The following PCED1B variants were observed in gnomAD, a reference collection of about 807,000 sequenced individuals.
PCED1B encodes PC-esterase domain-containing protein 1B.
For missense variants in PCED1B, 573 were observed against 573.9 expected (o/e 1.00, Z 0.02); for synonymous variants, 251 against 246.1 (o/e 1.02, Z -0.19).
At chr12:47,197,628 TAATAA>T (rs906683798) in intron 2 of PCED1B, among the ~76,000 whole-genome samples, 7 of 148,906 alleles carry the variant, frequency 4.7e-5, no homozygotes, top group African/African-American at 1.2e-4. Context: ...AATAAATAAA[TAATAA>T]AATAAAATAA....
At chr12:47,101,871 A>T (rs964633849) in intron 1 of PCED1B, among the ~76,000 whole-genome samples, 1 of 151,966 alleles carries the variant, frequency 6.6e-6, no homozygotes, top group African/African-American at 2.4e-5. Context: ...ATTTGAACCC[A>T]GGAGGCGGAG....
chr12:47,211,379 C>T (rs190715811), intron 2 of PCED1B, among the ~76,000 whole-genome samples: 30 of 152,090 alleles, frequency 2.0e-4, no homozygotes, highest in Admixed American at 8.5e-4. Context: ...TGGCCAGGTG[C>T]GGTGACTCAC....
chr12:47,093,913 AT>A (rs761090138), intron 1 of PCED1B, among the ~76,000 whole-genome samples: 4 of 152,020 alleles, frequency 2.6e-5, no homozygotes, highest in Admixed American at 1.3e-4. Context: ...ATTAGGTACC[AT>A]TTTGCATACA....
At chr12:47,083,402 T>C (rs1377917839) in intron 1 of PCED1B, among the ~76,000 whole-genome samples, 1 of 152,090 alleles carries the variant, frequency 6.6e-6, no homozygotes, top group Non-Finnish European at 1.5e-5. Context: ...CACTGATTGC[T>C]GCATGCAGGA....
chr12:47,169,398 G>A (rs1941647047), intron 2 of PCED1B, among the ~76,000 whole-genome samples: 1 of 151,810 alleles, frequency 6.6e-6, no homozygotes, highest in South Asian at 2.1e-4. Flanking sequence ...AGAAGAAAGT[G>A]TCAGAGTGTC....
At chr12:47,165,643 C>T (rs765808105) in intron 2 of PCED1B, among the ~76,000 whole-genome samples, 3 of 152,128 alleles carry the variant, frequency 2.0e-5, no homozygotes, top group Non-Finnish European at 2.9e-5. Flanking sequence ...TGATTTTCTA[C>T]GATCACTTAA....
rs1215414483 is a variant in PCED1B at position 47,202,052 on chromosome 12, C to T, written c.-525-14170C>T. Among the ~76,000 whole-genome samples, 3 of 152,276 alleles carry T rather than the reference C, an allele frequency of 2.0e-5. No homozygotes were observed. The East Asian group carries it at 5.8e-4, about 29-fold the overall frequency. ...TATATTAGTTAGTATATTGATGTTA[C>T]AAATATACAGTTATCTATATTCATT... On this transcript the variant is annotated intron_variant, in intron 2 of 3. Transcript: ENST00000546455.
intron 2 of PCED1B, among the ~76,000 whole-genome samples, chr12:47,212,067 T>TCC (rs1565604224): frequency 9.7e-6 from 1 of 103,054 alleles, no homozygotes. Context: ...AGAGCGAGAC[T>TCC]CCGTCTCAAA....
At chr12:47,207,783 C>T (rs1942955653) in intron 2 of PCED1B, among the ~76,000 whole-genome samples, 1 of 152,150 alleles carries the variant, frequency 6.6e-6, no homozygotes, top group African/African-American at 2.4e-5. Context: ...TCTTAAGATA[C>T]CTACTGAGAG....
At chr12:47,232,195 T>C (rs1427412341) in intron 3 of PCED1B, among the ~76,000 whole-genome samples, 1 of 152,240 alleles carries the variant, frequency 6.6e-6, no homozygotes, top group Admixed American at 6.5e-5. Context: ...AGTTTTGTTT[T>C]GTTTTTCTTT....
chr12:47,094,832 GT>G (rs1438849972), intron 1 of PCED1B, among the ~76,000 whole-genome samples: 1 of 149,982 alleles, frequency 6.7e-6, no homozygotes, highest in East Asian at 1.9e-4. Context: ...CCTCACCAGT[GT>G]TTTTTATTCC....
chr12:47,209,871 T>C (rs1441143901), intron 2 of PCED1B: 1 of 152,206 alleles, frequency 6.6e-6, no homozygotes, highest in Admixed American at 6.5e-5. Flanking sequence ...AGAGAACGGA[T>C]TGGAAGAAGA....
At chr12:47,220,524 A>G (rs1179068034) in intron 3 of PCED1B, among the ~76,000 whole-genome samples, 1 of 152,174 alleles carries the variant, frequency 6.6e-6, no homozygotes, top group African/African-American at 2.4e-5. Context: ...TTATCTATAA[A>G]ATGGAGATAA....
chr12:47,216,904 G>A (rs1441569356), intron 3 of PCED1B, among the ~76,000 whole-genome samples: 4 of 152,206 alleles, frequency 2.6e-5, no homozygotes, highest in East Asian at 1.9e-4. Flanking sequence ...TTATTAAAAT[G>A]GACAGTGAAA....
At chr12:47,233,578 G>C (rs1592330506) in intron 3 of PCED1B, among the ~76,000 whole-genome samples, 1 of 152,276 alleles carries the variant, frequency 6.6e-6, no homozygotes, top group South Asian at 2.1e-4. Flanking sequence ...ATTGTAGTAA[G>C]GTCTATTTAT....
intron 2 of PCED1B, among the ~76,000 whole-genome samples, chr12:47,161,188 A>G (rs568963084): frequency 2.8e-4 from 42 of 152,344 alleles, no homozygotes; most frequent in African/African-American, 9.9e-4. Flanking sequence ...ATAGCAACAC[A>G]AAGCAGTCAA....
intron 2 of PCED1B, among the ~76,000 whole-genome samples, 151 bp downstream of exon 2, chr12:47,104,346 G>A (rs1196179147): frequency 6.6e-6 from 1 of 152,188 alleles, no homozygotes; most frequent in East Asian, 1.9e-4. Flanking sequence ...CTAACCTTTT[G>A]ACACTAAAAG....
At chr12:47,098,551 G>C (rs1285878934) in intron 1 of PCED1B, among the ~76,000 whole-genome samples, 2 of 152,088 alleles carry the variant, frequency 1.3e-5, no homozygotes, top group African/African-American at 4.8e-5. Context: ...GGCACAATCT[G>C]GGCTCACTGC....
At chr12:47,229,398 G>A (rs1311662881) in intron 3 of PCED1B, among the ~76,000 whole-genome samples, 13 of 148,430 alleles carry the variant, frequency 8.8e-5, no homozygotes, top group African/African-American at 3.0e-4. Context: ...TGGGCACCAA[G>A]AGCAAAACTG....
Sources: gnomAD v4.1 joint callset for allele counts (sites outside exome capture counted in the v4.1 genomes callset) on GRCh38, gnomAD v4.1.1 for gene constraint, MANE v1.5 for transcripts, NCBI Gene and HGNC (gene_info 2026-07-23, HGNC 2026-07-21) for gene names.